Variants in MDFIC observed in about 807,000 individuals in gnomAD.
MDFIC encodes the protein myoD family inhibitor domain-containing protein.
A neutral mutation model predicts 23.2 loss-of-function variants in MDFIC; 17 were observed. The observed-to-expected ratio is 0.73, with a 90% CI of 0.50 to 1.10. The LOEUF (loss-of-function observed/expected upper bound fraction) is 1.10. Among genes scored for constraint, MDFIC ranks in the 50% least tolerant of loss-of-function variants. The pLI is 0.00. For synonymous variants in MDFIC, 120 were observed against 115.2 expected (o/e 1.04, Z -0.27); for missense variants, 356 against 316.6 (o/e 1.12, Z -0.95).
intron 4 of MDFIC, among the ~76,000 whole-genome samples, chr7:114,989,544 C>A (rs373923614): frequency 1.3e-5 from 2 of 152,152 alleles, no homozygotes; most frequent in South Asian, 4.1e-4. Context: ...AATAATGATA[C>A]CTTCTTGACA....
intron 4 of MDFIC, among the ~76,000 whole-genome samples, chr7:115,001,314 C>CAA (rs1791462420): frequency 6.6e-6 from 1 of 152,066 alleles, no homozygotes; most frequent in Non-Finnish European, 1.5e-5. Context: ...ATTAAACCTG[C>CAA]CTAAATTTCC....
chr7:115,014,392 G>T, intron 4 of MDFIC: 8 of 1,288,718 alleles, frequency 6.2e-6, no homozygotes, highest in Non-Finnish European at 3.0e-6. Context: ...ATAGAGAAGC[G>T]CATGATTTTT....
At chr7:114,929,639 A>C (rs1295339536) in intron 2 of MDFIC, among the ~76,000 whole-genome samples, 1 of 152,212 alleles carries the variant, frequency 6.6e-6, no homozygotes, top group Non-Finnish European at 1.5e-5. Context: ...GAGTCTTCTT[A>C]GTCACAGGAG....
At chr7:114,983,689 T>A (rs1793458162) in intron 4 of MDFIC, among the ~76,000 whole-genome samples, 1 of 148,384 alleles carries the variant, frequency 6.7e-6, no homozygotes. Flanking sequence ...TGCCTCAGCC[T>A]CCTGAGTAGC....
chr7:114,992,984 A>G (rs902431052), intron 4 of MDFIC, among the ~76,000 whole-genome samples: 2 of 152,030 alleles, frequency 1.3e-5, no homozygotes, highest in Admixed American at 1.3e-4. Context: ...CTGGTCCTGG[A>G]CTTTTTTTGG....
intron 4 of MDFIC, among the ~76,000 whole-genome samples, chr7:114,999,186 C>T (rs1370688937): frequency 6.6e-6 from 1 of 152,092 alleles, no homozygotes; most frequent in Non-Finnish European, 1.5e-5. Flanking sequence ...AACCCAATGG[C>T]AGTGATTAAT....
At chr7:114,931,813 T>G (rs755153437) in intron 2 of MDFIC, among the ~76,000 whole-genome samples, 4 of 152,204 alleles carry the variant, frequency 2.6e-5, no homozygotes, top group Admixed American at 6.5e-5. Flanking sequence ...GGTTTTTTGG[T>G]GAGAATTATG....
At chr7:115,003,454 T>C (rs772561652) in intron 4 of MDFIC, among the ~76,000 whole-genome samples, 1 of 152,206 alleles carries the variant, frequency 6.6e-6, no homozygotes, top group Non-Finnish European at 1.5e-5. Flanking sequence ...AGTAAATGGC[T>C]TCAGAAACCA....
chr7:114,956,272 C>A (rs1213778443), intron 3 of MDFIC, among the ~76,000 whole-genome samples: 1 of 152,176 alleles, frequency 6.6e-6, no homozygotes, highest in East Asian at 1.9e-4. Flanking sequence ...GTATACTATA[C>A]TCCTTCAGAA....
chr7:114,969,287 T>C (rs1454651421), intron 3 of MDFIC, among the ~76,000 whole-genome samples: 1 of 152,182 alleles, frequency 6.6e-6, no homozygotes, highest in Non-Finnish European at 1.5e-5. Flanking sequence ...ACCAAACTGT[T>C]GCTTGATTTA....
At chr7:115,013,671 T>A (rs1209172575) in intron 4 of MDFIC, among the ~76,000 whole-genome samples, 2 of 152,226 alleles carry the variant, frequency 1.3e-5, no homozygotes, top group Admixed American at 1.3e-4. Context: ...TAAGTAATAA[T>A]GAAGCTGGCT....
At chr7:114,984,135 A>G (rs1166186609) in intron 4 of MDFIC, among the ~76,000 whole-genome samples, 1 of 152,172 alleles carries the variant, frequency 6.6e-6, no homozygotes, top group African/African-American at 2.4e-5. Flanking sequence ...AATTTATCAG[A>G]CATTTCAACA....
At chr7:114,996,675 A>G (rs1297878627) in intron 4 of MDFIC, among the ~76,000 whole-genome samples, 1 of 152,148 alleles carries the variant, frequency 6.6e-6, no homozygotes, top group Non-Finnish European at 1.5e-5. Flanking sequence ...TGGCCTCTGG[A>G]TATTTGGAGA....
intron 3 of MDFIC, among the ~76,000 whole-genome samples, chr7:114,969,126 A>G (rs937584556): frequency 2.0e-5 from 3 of 152,242 alleles, no homozygotes; most frequent in Non-Finnish European, 2.9e-5. Flanking sequence ...TACACATAGT[A>G]TGATATCTGT....
At chr7:114,970,119 C>T (rs763149423) in intron 3 of MDFIC, among the ~76,000 whole-genome samples, 3 of 152,118 alleles carry the variant, frequency 2.0e-5, no homozygotes, top group African/African-American at 4.8e-5. Context: ...GAGTTTCTTC[C>T]CTGACCTTGG....
intron 4 of MDFIC, among the ~76,000 whole-genome samples, chr7:114,991,671 A>G (rs1791166482): frequency 6.6e-6 from 1 of 152,062 alleles, no homozygotes; most frequent in Non-Finnish European, 1.5e-5. Context: ...GATGTGTGGT[A>G]TTATTTCTGA....
At chr7:114,922,687 C>T in intron 1 of MDFIC, 51 bp downstream of exon 1, 1 of 1,345,470 alleles carries the variant, frequency 7.4e-7, no homozygotes, top group Non-Finnish European at 9.6e-7. Context: ...TCCCCATCCC[C>T]GGGGTTCTCC....
chr7:114,933,074 T>C (rs936268245), intron 2 of MDFIC, among the ~76,000 whole-genome samples: 1 of 152,148 alleles, frequency 6.6e-6, no homozygotes, highest in Admixed American at 6.5e-5. Flanking sequence ...CAAGTAAGGG[T>C]TCTTTGCTTA....
In MDFIC at chr7:114,951,610, C is replaced by T. The variant is rs117175336; in HGVS notation, c.217+9213C>T. 5.2e-3 allele frequency among the ~76,000 whole-genome samples: 790 copies of T among 152,048 alleles called. 3 individuals are homozygous for T. Among genetic ancestry groups the T allele is most frequent in the South Asian group, 0.011 (55 of 4,828 alleles). On this transcript the variant is annotated intron_variant, in intron 3 of 4. Transcript: ENST00000393486. ...GGAGTTATATGAAGTTGAGTGAAAG[C>T]ATATGGGTGAAGAGGACTCCCACTT...
Sources: allele counts gnomAD v4.1 joint callset (sites outside exome capture counted in the v4.1 genomes callset), GRCh38; gene constraint gnomAD v4.1.1; transcripts MANE v1.5; gene names NCBI Gene and HGNC (gene_info 2026-07-23, HGNC 2026-07-21).